The following DIS3L2 variants were observed in gnomAD, a reference collection of about 807,000 sequenced individuals.
DIS3L2 encodes the protein DIS3-like exonuclease 2.
Under a neutral mutation model 97.5 loss-of-function variants are expected in DIS3L2, and 34 were observed. The ratio of observed to expected loss-of-function variants is 0.35; its 90% CI spans 0.27 to 0.46. The LOEUF is 0.46. DIS3L2 is among the 20% of genes least tolerant of loss of function. DIS3L2 has a pLI of 1.00. For synonymous variants in DIS3L2, 435 were observed against 445.2 expected, an observed-to-expected ratio of 0.98 and a Z score of 0.29; for missense variants, 1,038 against 1,146.0, an observed-to-expected ratio of 0.91 and a Z score of 1.36.
At chr2:232,039,558 T>C (rs1695051091) in intron 5 of DIS3L2, among the ~76,000 whole-genome samples, 1 of 152,180 alleles carries the variant, frequency 6.6e-6, no homozygotes, top group Admixed American at 6.5e-5. Flanking sequence ...GCAAAATAGA[T>C]AGCTGTATGA....
chr2:232,186,452 T>C (rs1360426260), intron 9 of DIS3L2, among the ~76,000 whole-genome samples: 1 of 152,210 alleles, frequency 6.6e-6, no homozygotes, highest in Non-Finnish European at 1.5e-5. Context: ...CCAGATGGTT[T>C]CACTGGAGAA....
intron 6 of DIS3L2, among the ~76,000 whole-genome samples, chr2:232,116,612 A>G (rs1477318430): frequency 6.6e-6 from 1 of 152,214 alleles, no homozygotes; most frequent in African/African-American, 2.4e-5. Flanking sequence ...AATGATGGTT[A>G]TAACCTGTTG....
At chr2:232,156,621 C>G (rs1221933205) in intron 8 of DIS3L2, among the ~76,000 whole-genome samples, 1 of 151,756 alleles carries the variant, frequency 6.6e-6, no homozygotes, top group Non-Finnish European at 1.5e-5. Context: ...TGCTTTTTGT[C>G]TAAGTTTTTA....
At chr2:232,262,928 A>G (rs910467268) in intron 12 of DIS3L2, among the ~76,000 whole-genome samples, 1 of 152,126 alleles carries the variant, frequency 6.6e-6, no homozygotes, top group Non-Finnish European at 1.5e-5. Context: ...AAAAGCCTCC[A>G]GCATGCCTTG....
At chr2:232,086,385 GTA>G (rs1394739957) in intron 5 of DIS3L2, among the ~76,000 whole-genome samples, 1 of 143,052 alleles carries the variant, frequency 7.0e-6, no homozygotes, top group Non-Finnish European at 1.5e-5. Context: ...ATATGTATAT[GTA>G]TATGTATATG....
At chr2:232,309,359 G>T (rs1575009473) in intron 14 of DIS3L2, among the ~76,000 whole-genome samples, 1 of 152,124 alleles carries the variant, frequency 6.6e-6, no homozygotes, top group Non-Finnish European at 1.5e-5. Context: ...AGAAACATAT[G>T]GAGGAAGATG....
chr2:232,143,809 CCT>C (rs1690139642), intron 8 of DIS3L2, among the ~76,000 whole-genome samples: 1 of 151,876 alleles, frequency 6.6e-6, no homozygotes, highest in South Asian at 2.1e-4. Context: ...GTTCAAGTTC[CCT>C]GTCTGTTCTC....
intron 9 of DIS3L2, among the ~76,000 whole-genome samples, chr2:232,184,185 A>G (rs566015712): frequency 6.6e-6 from 1 of 152,328 alleles, no homozygotes; most frequent in South Asian, 2.1e-4. Context: ...TGTTACTTAT[A>G]TGAAGTAGTA....
chr2:232,121,013 A>G (rs188321945), intron 6 of DIS3L2, among the ~76,000 whole-genome samples: 1 of 152,230 alleles, frequency 6.6e-6, no homozygotes, highest in Non-Finnish European at 1.5e-5. Flanking sequence ...AAAATAAAAT[A>G]TTAAAAGCCA....
intron 20 of DIS3L2, 189 bp downstream of exon 20, chr2:232,336,063 C>T: frequency 1.3e-6 from 2 of 1,534,148 alleles, no homozygotes; most frequent in Non-Finnish European, 1.8e-6. Context: ...GCACCACCTT[C>T]CCTTCCTTGG....
At position 232,263,338 on chromosome 2, in the gene DIS3L2, G is replaced by T; in HGVS notation, c.1557G>T (p.Glu519Asp). The change falls in exon 13 of 21, where the codon GAG (glutamate) becomes GAT (aspartate). Residue 519 changes from glutamate to aspartate, a missense_variant. Physicochemically the swap from Glu to Asp is conservative, Grantham distance 45. Around this residue, in one of 3 missense-constraint regions of DIS3L2, gnomAD observed 813 missense variants for 880.1 expected, o/e 0.92. Coordinates refer to ENST00000325385, the MANE Select transcript of DIS3L2 (RefSeq NM_152383.5). Reference protein sequence around the residue: ...PAKELPPISPEHSSEEVHQAV... With the variant: ...PAKELPPISPDHSSEEVHQAV... ...AAGAGCTGCCCCCCATTTCCCCAGA[G>T]CATAGCAGCGAGGAGGTACACCAGG... The T allele has an allele frequency of 6.2e-7, 1 of 1,614,188 alleles. No individual in the cohort carries two copies. Among genetic ancestry groups the T allele is most frequent in the Non-Finnish European group, 8.5e-7 (1 of 1,180,044 alleles).
chr2:232,170,543 A>G (rs1014398350), intron 9 of DIS3L2, among the ~76,000 whole-genome samples: 1 of 152,220 alleles, frequency 6.6e-6, no homozygotes, highest in African/African-American at 2.4e-5. Flanking sequence ...GACCTCCACC[A>G]GACCATTACA....
At chr2:232,015,484 A>G (rs766357519) in intron 2 of DIS3L2, 30 bp from the exon 3 acceptor site, 1 of 1,604,210 alleles carries the variant, frequency 6.2e-7, no homozygotes, top group Non-Finnish European at 8.5e-7. Context: ...ATGTTTGAGG[A>G]AAGAGTTGAT....
intron 8 of DIS3L2, among the ~76,000 whole-genome samples, chr2:232,145,904 TC>T (rs1047676110): frequency 2.6e-5 from 4 of 152,056 alleles, no homozygotes; most frequent in Middle Eastern, 3.4e-3. Context: ...TTATGGATGA[TC>T]CCCCCCATCT....
chr2:232,252,072 C>G (rs1693434344), intron 12 of DIS3L2, among the ~76,000 whole-genome samples: 1 of 152,184 alleles, frequency 6.6e-6, no homozygotes, highest in South Asian at 2.1e-4. Context: ...TAGTCAGTAT[C>G]CCTGTCACAG....
chr2:231,977,808 ACTAT>A (rs35642488), intron 1 of DIS3L2, among the ~76,000 whole-genome samples: 20,529 of 152,154 alleles, frequency 0.13, 1,862 homozygotes, highest in South Asian at 0.34. Flanking sequence ...TTAATGGAAA[ACTAT>A]CTAGCTGTTA....
intron 6 of DIS3L2, among the ~76,000 whole-genome samples, chr2:232,109,980 G>A (rs1024011248): frequency 2.0e-5 from 3 of 152,124 alleles, no homozygotes; most frequent in Non-Finnish European, 4.4e-5. Context: ...CTAATATTTA[G>A]CATCTATAAG....
intron 11 of DIS3L2, among the ~76,000 whole-genome samples, chr2:232,245,684 A>C (rs1693227299): frequency 6.7e-6 from 1 of 150,212 alleles, no homozygotes; most frequent in African/African-American, 2.4e-5. Flanking sequence ...AAAGTTTTAA[A>C]GTTCAGCTTT....
chr2:232,312,886 A>C (rs896512175), intron 14 of DIS3L2, among the ~76,000 whole-genome samples: 1 of 152,202 alleles, frequency 6.6e-6, no homozygotes, highest in African/African-American at 2.4e-5. Flanking sequence ...TTTGTTGCTA[A>C]TACAAGGAAA....
Sources: gnomAD v4.1 joint callset for allele counts (sites outside exome capture counted in the v4.1 genomes callset) on GRCh38, gnomAD v4.1.1 for gene constraint, gnomAD v4.1.1 regional missense constraint, MANE v1.5 for transcripts, NCBI Gene and HGNC (gene_info 2026-07-23, HGNC 2026-07-21) for gene names.